The following ATRNL1 variants were observed in gnomAD, a reference collection of about 807,000 sequenced individuals.
The protein encoded by ATRNL1 is attractin-like protein 1.
Under a neutral mutation model 182.7 loss-of-function variants are expected in ATRNL1, and 95 were observed. The observed-to-expected ratio is 0.52, with a 90% confidence interval of 0.44 to 0.62. The LOEUF is 0.62. ATRNL1 is among the 20% of genes least tolerant of loss of function. The pLI is 0.00. For missense variants in ATRNL1, 1,471 were observed against 1,679.5 expected (o/e 0.88, Z 2.17); for synonymous variants, 576 against 568.3 (o/e 1.01, Z -0.19).
intron 28 of ATRNL1, among the ~76,000 whole-genome samples, chr10:115,885,786 A>G (rs1193714993): frequency 6.6e-6 from 1 of 152,206 alleles, no homozygotes; most frequent in Non-Finnish European, 1.5e-5. Flanking sequence ...CATATTTCTC[A>G]TGACTCCATT....
At chr10:115,889,024 C>A (rs1952017100) in intron 28 of ATRNL1, among the ~76,000 whole-genome samples, 1 of 152,194 alleles carries the variant, frequency 6.6e-6, no homozygotes, top group African/African-American at 2.4e-5. Context: ...TCATCTCTAC[C>A]AAGCTGTAGT....
intron 8 of ATRNL1, among the ~76,000 whole-genome samples, chr10:115,215,224 A>G (rs1849182780): frequency 1.3e-5 from 2 of 152,170 alleles, no homozygotes. Context: ...GGACTTTATA[A>G]AAAGGAAAGT....
At chr10:115,547,271 T>A (rs1454054771) in intron 25 of ATRNL1, among the ~76,000 whole-genome samples, 1 of 147,720 alleles carries the variant, frequency 6.8e-6, no homozygotes, top group African/African-American at 2.5e-5. Context: ...AAAATATATA[T>A]ATATATATAT....
At chr10:115,941,780 A>C (rs2615879) in intron 28 of ATRNL1, among the ~76,000 whole-genome samples, 149,901 of 152,310 alleles carry the variant, frequency 0.98, 73,817 homozygotes, top group East Asian at 1. Flanking sequence ...AGCACCACCA[A>C]AATCTGCAAT....
chr10:115,777,713 A>G (rs1555078312), intron 27 of ATRNL1, among the ~76,000 whole-genome samples: 1 of 152,216 alleles, frequency 6.6e-6, no homozygotes, highest in Non-Finnish European at 1.5e-5. Context: ...TGGGACAGAA[A>G]ATTGAGCTGC....
chr10:115,235,989 A>G (rs553574861), intron 9 of ATRNL1, among the ~76,000 whole-genome samples: 16 of 152,018 alleles, frequency 1.1e-4, no homozygotes, highest in African/African-American at 3.9e-4. Flanking sequence ...GAATTCATGT[A>G]TTTTTATTTT....
chr10:115,162,242 A>G (rs1353806194), intron 6 of ATRNL1, among the ~76,000 whole-genome samples: 1 of 152,074 alleles, frequency 6.6e-6, no homozygotes, highest in Non-Finnish European at 1.5e-5. Flanking sequence ...ATATAGATAG[A>G]TAGTAGGAGT....
Position 115,394,698 on chromosome 10 carries a change from A to C in ATRNL1, c.3215A>C (p.His1072Pro). The change falls in exon 20 of 29, where the codon CAC becomes CCC. Residue 1072 changes from histidine (H) to proline (P), a missense_variant. By Grantham distance (77) the His-to-Pro change is moderately conservative. Around this residue, in one of 3 missense-constraint regions of ATRNL1, gnomAD observed 437 missense variants for 506.0 expected, o/e 0.86. Transcript: ENST00000355044. ...CSGHANICHL[H>P]TGKCFCTTKG... ...GGCCATGCAAATATCTGTCATCTGCACACAGGAAAATGTTTCTGCACAACT... is the reference window on the plus strand; with the variant it reads ...GGCCATGCAAATATCTGTCATCTGCCCACAGGAAAATGTTTCTGCACAACT... 1 of 1,611,444 alleles carries C rather than the reference A, an allele frequency of 6.2e-7. No individual in the cohort carries two copies. The highest frequency in any genetic ancestry group is 8.5e-7 in the Non-Finnish European group (1 of 1,178,578).
At chr10:115,498,897 T>G (rs1380694760) in intron 24 of ATRNL1, among the ~76,000 whole-genome samples, 23 of 151,998 alleles carry the variant, frequency 1.5e-4, no homozygotes, top group African/African-American at 5.6e-4. Context: ...ATTTCTAAAG[T>G]TTTAAAGATA....
intron 28 of ATRNL1, among the ~76,000 whole-genome samples, chr10:115,938,327 T>G (rs547347402): frequency 6.6e-6 from 1 of 152,330 alleles, no homozygotes; most frequent in South Asian, 2.1e-4. Context: ...TCCTTGGTGG[T>G]TTTCATTGCA....
At chr10:115,701,253 A>G (rs1417699380) in intron 26 of ATRNL1, among the ~76,000 whole-genome samples, 1 of 152,084 alleles carries the variant, frequency 6.6e-6, no homozygotes, top group Non-Finnish European at 1.5e-5. Flanking sequence ...AATTATTGGA[A>G]ATAAGTGAAA....
rs782490331 is a variant in ATRNL1 at position 115,519,349 on chromosome 10, T to G, written c.3716+25T>G. On this transcript the variant is annotated intron_variant, in intron 25 of 28. Coordinates refer to ENST00000355044, the MANE Select transcript of ATRNL1 (RefSeq NM_207303.4). Reference sequence around the variant, plus strand: ...GGTAAAAGTTTGCTTTGACTGACTTTGAACTTTTCAAGCCTGTATTCTGAT... The same window carrying G: ...GGTAAAAGTTTGCTTTGACTGACTTGGAACTTTTCAAGCCTGTATTCTGAT... The G allele has an allele frequency of 1.1e-5, 17 of 1,594,768 alleles. 1 individual carries two copies. The South Asian group carries it at 1.9e-4, about 18-fold the overall frequency.
chr10:115,130,142 A>T (rs559863348), intron 5 of ATRNL1, among the ~76,000 whole-genome samples: 6 of 152,154 alleles, frequency 3.9e-5, no homozygotes, highest in Non-Finnish European at 7.4e-5. Context: ...TGTATATAAA[A>T]TAATAAATAT....
chr10:115,361,487 A>G (rs181040275), intron 19 of ATRNL1, among the ~76,000 whole-genome samples: 66 of 152,198 alleles, frequency 4.3e-4, no homozygotes, highest in African/African-American at 1.4e-3. Flanking sequence ...GACAAACTAG[A>G]GAATACATGT....
At chr10:115,246,096 T>G (rs142366831) in intron 10 of ATRNL1, among the ~76,000 whole-genome samples, 1 of 152,160 alleles carries the variant, frequency 6.6e-6, no homozygotes, top group Non-Finnish European at 1.5e-5. Flanking sequence ...GAACTAACAT[T>G]TATCTAATGT....
At chr10:115,689,866 G>T (rs1280075682) in intron 26 of ATRNL1, among the ~76,000 whole-genome samples, 2 of 152,130 alleles carry the variant, frequency 1.3e-5, no homozygotes, top group Non-Finnish European at 2.9e-5. Flanking sequence ...ATCAGTGGGG[G>T]CACAGTTGTC....
chr10:115,879,374 A>G (rs1186499532), intron 28 of ATRNL1, among the ~76,000 whole-genome samples: 1 of 151,986 alleles, frequency 6.6e-6, no homozygotes, highest in Non-Finnish European at 1.5e-5. Context: ...CTTGGCCAAG[A>G]TGACATGGCA....
chr10:115,567,646 A>G (rs181965320), intron 26 of ATRNL1, among the ~76,000 whole-genome samples: 6 of 152,110 alleles, frequency 3.9e-5, no homozygotes, highest in Non-Finnish European at 8.8e-5. Context: ...TACTGATTCA[A>G]ATTCTATGTT....
intron 28 of ATRNL1, among the ~76,000 whole-genome samples, chr10:115,920,708 C>A (rs1381201129): frequency 6.6e-6 from 1 of 152,170 alleles, no homozygotes; most frequent in Non-Finnish European, 1.5e-5. Flanking sequence ...TTTACTGTGT[C>A]TTTTACAACA....
Sources: gnomAD v4.1 joint callset for allele counts (sites outside exome capture counted in the v4.1 genomes callset) on GRCh38, gnomAD v4.1.1 for gene constraint, gnomAD v4.1.1 regional missense constraint, MANE v1.5 for transcripts, NCBI Gene and HGNC (gene_info 2026-07-23, HGNC 2026-07-21) for gene names.